The following OR9Q1 variants were observed in gnomAD, a reference collection of about 807,000 sequenced individuals.
OR9Q1 encodes the protein olfactory receptor 9Q1.
For synonymous variants in OR9Q1, 153 were observed against 148.6 expected (o/e 1.03, Z -0.22); for missense variants, 374 against 378.8 (o/e 0.99, Z 0.11).
intron 2 of OR9Q1, chr11:58,118,328 G>T: frequency 1.8e-6 from 1 of 561,054 alleles, no homozygotes. Flanking sequence ...AAAGAACATG[G>T]AATTGCTGGA....
At chr11:58,128,230 C>A (rs1854107650) in intron 2 of OR9Q1, among the ~76,000 whole-genome samples, 3 of 129,470 alleles carry the variant, frequency 2.3e-5, no homozygotes, top group South Asian at 2.4e-4. Context: ...TAGGGGCAAA[C>A]AGGTGAAAAC....
At chr11:58,100,710 A>G (rs1324226874) in intron 2 of OR9Q1, among the ~76,000 whole-genome samples, 3 of 152,082 alleles carry the variant, frequency 2.0e-5, no homozygotes, top group Non-Finnish European at 4.4e-5. Context: ...GAAGATGTCT[A>G]TTTAGAATTC....
chr11:58,120,580 T>C (rs1854019463), intron 2 of OR9Q1, among the ~76,000 whole-genome samples: 1 of 151,884 alleles, frequency 6.6e-6, no homozygotes, highest in Admixed American at 6.6e-5. Flanking sequence ...CTGAACTCAA[T>C]TTGTAGCCTT....
rs17152425 is a variant in OR9Q1, at chr11:58,162,276, A to G, written c.-14-17155A>G. On this transcript the variant is annotated intron_variant, in intron 2 of 2. Coordinates refer to ENST00000335397, the MANE Select transcript of OR9Q1 (RefSeq NM_001005212.4). Reference sequence around the variant, plus strand: ...AGAAAATCACCTTTCATCTTTTGGAAATGTTACGTTTTGTTTGAATGTATT... The same window carrying G: ...AGAAAATCACCTTTCATCTTTTGGAGATGTTACGTTTTGTTTGAATGTATT... Among the ~76,000 whole-genome samples, 1,056 of 152,326 alleles carry G rather than the reference A, an allele frequency of 6.9e-3. 10 individuals carry two copies. Among genetic ancestry groups the G allele is most frequent in the African/African-American group, 0.019 (776 of 41,582 alleles).
chr11:58,070,560 CA>C (rs1201891448), intron 2 of OR9Q1, among the ~76,000 whole-genome samples: 2 of 152,164 alleles, frequency 1.3e-5, no homozygotes, highest in African/African-American at 4.8e-5. Flanking sequence ...CAGGCTCCTC[CA>C]GGACCACCCT....
intron 2 of OR9Q1, among the ~76,000 whole-genome samples, chr11:58,120,387 G>A (rs754350495): frequency 2.0e-5 from 3 of 151,962 alleles, no homozygotes; most frequent in Admixed American, 6.6e-5. Flanking sequence ...ATATGCTTAT[G>A]TCATAGGGGT....
chr11:58,105,846 C>G (rs1853834685), intron 2 of OR9Q1, among the ~76,000 whole-genome samples: 1 of 152,008 alleles, frequency 6.6e-6, no homozygotes, highest in Admixed American at 6.6e-5. Context: ...GTCTATACCA[C>G]ATTTGGTTTA....
At chr11:58,119,207 G>A in intron 2 of OR9Q1, 1 of 1,614,024 alleles carries the variant, frequency 6.2e-7, no homozygotes, top group Non-Finnish European at 8.5e-7. Context: ...GCTAGGATCT[G>A]AGGGGTGATG....
At chr11:58,177,872 A>G (rs1215638747) in intron 2 of OR9Q1, among the ~76,000 whole-genome samples, 2 of 152,184 alleles carry the variant, frequency 1.3e-5, no homozygotes, top group Non-Finnish European at 2.9e-5. Context: ...CTGACCAGGG[A>G]AGGCAGACAG....
intron 1 of OR9Q1, chr11:58,031,197 A>G: frequency 6.2e-7 from 1 of 1,614,178 alleles, no homozygotes; most frequent in Non-Finnish European, 8.5e-7. Context: ...ACAGTGCCCA[A>G]GATGCTGGCT....
intron 2 of OR9Q1, among the ~76,000 whole-genome samples, chr11:58,066,652 G>A (rs1853432602): frequency 1.3e-5 from 2 of 152,100 alleles, no homozygotes; most frequent in Non-Finnish European, 2.9e-5. Context: ...CTTTCAGGCC[G>A]AAGTTGACTG....
rs1209381219 is a variant in OR9Q1, at chr11:58,096,150, C to T, written c.-15+40203C>T. On this transcript the variant is annotated intron_variant, in intron 2 of 2. Transcript: ENST00000335397. ...TTTCTCTCTCTCTCTCTTCCTTTCC[C>T]TTTTTTTTTTTTTTCAGGAGAACCA... Among the ~76,000 whole-genome samples, 21 of 136,500 alleles carry T rather than the reference C, an allele frequency of 1.5e-4. 1 individual carries two copies. Among genetic ancestry groups the T allele is most frequent in the East Asian group, 4.3e-4 (2 of 4,642 alleles). The allele number at this position is 136,500 out of a possible 152,430, so 89.5% of individuals were successfully genotyped here.
intron 2 of OR9Q1, chr11:58,125,245 C>T (rs944747653): frequency 8.1e-6 from 1 of 122,974 alleles, no homozygotes; most frequent in South Asian, 3.5e-4. Context: ...CACCGCCCCC[C>T]CCCCAAAAAA....
intron 1 of OR9Q1, chr11:58,045,400 A>G (rs1410483509): frequency 1.3e-5 from 2 of 151,970 alleles, no homozygotes; most frequent in African/African-American, 2.4e-5. Context: ...CGCCGGGCCA[A>G]TTTTTGTATT....
At chr11:58,179,306 G>C in intron 2 of OR9Q1, 125 bp from the exon 3 acceptor site, 4 of 564,412 alleles carry the variant, frequency 7.1e-6, no homozygotes, top group Non-Finnish European at 1.2e-5. Context: ...TTACAGGTGT[G>C]AGCCACAGCA....
At chr11:58,168,434 C>T (rs748920692) in intron 2 of OR9Q1, among the ~76,000 whole-genome samples, 5 of 152,134 alleles carry the variant, frequency 3.3e-5, no homozygotes, top group African/African-American at 1.2e-4. Context: ...TTCAACATGA[C>T]GGCTTTGAGA....
At chr11:58,128,370 AC>A (rs1290469861) in intron 2 of OR9Q1, among the ~76,000 whole-genome samples, 2 of 152,214 alleles carry the variant, frequency 1.3e-5, no homozygotes, top group Non-Finnish European at 2.9e-5. Flanking sequence ...ATTGGTAGAT[AC>A]ATCAGTAGGA....
At chr11:58,050,210 A>G (rs1180906533) in intron 1 of OR9Q1, among the ~76,000 whole-genome samples, 11 of 133,122 alleles carry the variant, frequency 8.3e-5, no homozygotes, top group African/African-American at 3.1e-4. Flanking sequence ...CTACAAGGCT[A>G]CAGTAACCAA....
intron 2 of OR9Q1, among the ~76,000 whole-genome samples, chr11:58,161,466 A>C (rs555402166): frequency 3.2e-4 from 48 of 152,182 alleles, no homozygotes; most frequent in African/African-American, 1.1e-3. Context: ...TCTTCAGCCC[A>C]GCTGTAATCG....
Sources: allele counts gnomAD v4.1 joint callset (sites outside exome capture counted in the v4.1 genomes callset), GRCh38; gene constraint gnomAD v4.1.1; transcripts MANE v1.5; gene names NCBI Gene and HGNC (gene_info 2026-07-23, HGNC 2026-07-21).